The following KALRN variants were observed in gnomAD, a reference collection of about 807,000 sequenced individuals.
KALRN encodes the protein kalirin.
KALRN carries 70 observed loss-of-function variants against 353.7 expected under a neutral mutation model. The observed-to-expected ratio is 0.20, with a 90% CI of 0.16 to 0.24. KALRN has a LOEUF of 0.24. Ranked by LOEUF, KALRN falls within the 10% of genes least tolerant of loss-of-function variation. KALRN has a pLI of 1.00. For missense variants in KALRN, 2,791 were observed against 3,756.7 expected (o/e 0.74, Z 6.72); for synonymous variants, 1,391 against 1,434.8 (o/e 0.97, Z 0.69).
intron 19 of KALRN, among the ~76,000 whole-genome samples, chr3:124,442,562 G>A (rs1301830724): frequency 6.6e-6 from 1 of 152,164 alleles, no homozygotes; most frequent in Non-Finnish European, 1.5e-5. Flanking sequence ...ATTTGTCACT[G>A]ATTGATTAAG....
chr3:124,602,235 G>A (rs1223118693), intron 34 of KALRN, among the ~76,000 whole-genome samples: 2 of 152,178 alleles, frequency 1.3e-5, no homozygotes, highest in African/African-American at 4.8e-5. Flanking sequence ...TAGGAAGGAA[G>A]AAGTCAGAAG....
At chr3:124,065,810 A>C (rs1237172181) in intron 1 of KALRN, among the ~76,000 whole-genome samples, 2 of 152,226 alleles carry the variant, frequency 1.3e-5, no homozygotes, top group Non-Finnish European at 2.9e-5. Flanking sequence ...TGGAATGCTT[A>C]GATCAGTATC....
chr3:124,098,843 T>C (rs2061637324), intron 1 of KALRN, among the ~76,000 whole-genome samples: 1 of 152,136 alleles, frequency 6.6e-6, no homozygotes, highest in South Asian at 2.1e-4. Context: ...GAAACAACAG[T>C]GTAGGAGGTA....
At chr3:124,392,072 A>T (rs908279424) in intron 11 of KALRN, among the ~76,000 whole-genome samples, 2 of 151,682 alleles carry the variant, frequency 1.3e-5, no homozygotes, top group Non-Finnish European at 2.9e-5. Context: ...TTTTTTTGAG[A>T]CAGAGTCTTG....
Position 124,413,513 on chromosome 3 carries a change from A to C in KALRN, c.2390A>C (p.Gln797Pro). 2.5e-6 allele frequency: 4 copies of C among 1,614,174 alleles called. No homozygotes were observed. The highest frequency in any genetic ancestry group is 3.4e-6 in the Non-Finnish European group (4 of 1,180,012). The change falls in exon 14 of 60, where the codon CAG becomes CCG. Residue 797 changes from glutamine to proline, a missense_variant. Gln to Pro is a moderately conservative substitution (Grantham distance 76). Coordinates refer to ENST00000682506, the MANE Select transcript of KALRN (RefSeq NM_001388419.1). The part of the protein sequence containing the change: ...LDAWNEDLLR[Q>P]MNDFNTEDLT... ...GCCTGGAATGAAGACTTGCTTCGGCAGATGAATGACTTCAACACAGAGGAC... is the reference window on the plus strand; with the variant it reads ...GCCTGGAATGAAGACTTGCTTCGGCCGATGAATGACTTCAACACAGAGGAC...
intron 1 of KALRN, among the ~76,000 whole-genome samples, chr3:124,136,086 A>G (rs2065884803): frequency 6.6e-6 from 1 of 152,158 alleles, no homozygotes. Context: ...CCCCACACCT[A>G]GAAATTCTAA....
intron 33 of KALRN, among the ~76,000 whole-genome samples, chr3:124,541,265 C>A (rs575982932): frequency 6.6e-6 from 1 of 151,900 alleles, no homozygotes; most frequent in African/African-American, 2.4e-5. Context: ...GCCTGGCCAA[C>A]GTGGTGAAAC....
At position 124,410,248 on chromosome 3, in the gene KALRN, G is replaced by T. The variant is rs200226982; in HGVS notation, c.2347-3222G>T. ...TCCACTCCATAGATTCCTGGCTATG[G>T]GACTCCTTGGATCTTCCTGCAGCAA... On this transcript the variant is annotated intron_variant, in intron 13 of 59. Coordinates refer to ENST00000682506, the MANE Select transcript of KALRN (RefSeq NM_001388419.1). The T allele has an allele frequency of 9.5e-4, 504 of 532,982 alleles. 2 individuals are homozygous for T. The highest frequency in any genetic ancestry group is 1.7e-3 in the Non-Finnish European group (441 of 259,892). 33.0% of individuals were successfully genotyped at this position (532,982 alleles called of 1,614,324 possible).
At chr3:124,652,585 CT>C (rs940338056) in intron 38 of KALRN, among the ~76,000 whole-genome samples, 1 of 151,346 alleles carries the variant, frequency 6.6e-6, no homozygotes, top group Non-Finnish European at 1.5e-5. Context: ...AGTCACTACT[CT>C]TTTTTTTTGA....
chr3:124,072,110 A>G (rs2149271939), intron 1 of KALRN, among the ~76,000 whole-genome samples: 1 of 152,356 alleles, frequency 6.6e-6, no homozygotes, highest in South Asian at 2.1e-4. Flanking sequence ...TGTTGACACC[A>G]GGGAAGAAAA....
Position 124,033,507 on chromosome 3 carries a change from A to T in KALRN, c.-234A>T, listed in dbSNP as rs907937618. ...GCGGCCAGCGCCCTGGGGAAGGGGT[A>T]CCATGGGGGAGCTGGCGGCAGGCAC... On this transcript the variant is annotated 5_prime_UTR_variant, in exon 1 of 60. Coordinates refer to ENST00000682506, the MANE Select transcript of KALRN (RefSeq NM_001388419.1). This position sits in a 1 kb window ranked among gnomAD's most constrained non-coding sequence, Gnocchi z 6.2. 2.4e-4 allele frequency among the ~76,000 whole-genome samples: 36 copies of T among 151,646 alleles called. No individual in the cohort carries two copies. The East Asian group carries it at 7.1e-3, about 30-fold the overall frequency.
intron 1 of KALRN, among the ~76,000 whole-genome samples, chr3:124,127,990 T>A (rs2064875827): frequency 6.6e-6 from 1 of 152,194 alleles, no homozygotes; most frequent in African/African-American, 2.4e-5. Flanking sequence ...TGAAATCTCT[T>A]CATTATTTTG....
chr3:124,473,549 C>T (rs2061149539), intron 25 of KALRN, among the ~76,000 whole-genome samples: 1 of 152,086 alleles, frequency 6.6e-6, no homozygotes, highest in African/African-American at 2.4e-5. Context: ...GTACCTTTTT[C>T]CACTTAGCTT....
At chr3:124,574,729 G>A (rs552513834) in intron 34 of KALRN, among the ~76,000 whole-genome samples, 4 of 152,314 alleles carry the variant, frequency 2.6e-5, no homozygotes, top group Non-Finnish European at 2.9e-5. Context: ...AGAAGAACAC[G>A]GGGACCCAGG....
intron 1 of KALRN, among the ~76,000 whole-genome samples, chr3:124,142,544 G>A (rs147466546): frequency 3.5e-4 from 53 of 152,302 alleles, no homozygotes; most frequent in African/African-American, 1.2e-3. Flanking sequence ...GTACCTGAAG[G>A]TTAATTTCAG....
intron 37 of KALRN, among the ~76,000 whole-genome samples, chr3:124,644,333 A>C (rs960358030): frequency 4.0e-5 from 6 of 151,418 alleles, no homozygotes; most frequent in African/African-American, 1.2e-4. Flanking sequence ...TTTTTTTAAA[A>C]TTTTTTTTTA....
intron 9 of KALRN, among the ~76,000 whole-genome samples, chr3:124,335,305 G>A (rs1375154420): frequency 6.6e-6 from 1 of 152,120 alleles, no homozygotes; most frequent in Non-Finnish European, 1.5e-5. Context: ...TTTAAAACCT[G>A]GGCTGTTGTT....
At chr3:124,275,133 T>A (rs1172085292) in intron 5 of KALRN, among the ~76,000 whole-genome samples, 1 of 152,234 alleles carries the variant, frequency 6.6e-6, no homozygotes, top group African/African-American at 2.4e-5. Flanking sequence ...TCTCTCTTCA[T>A]GAAAACATCT....
chr3:124,160,049 A>G (rs2069671238), intron 1 of KALRN, among the ~76,000 whole-genome samples: 1 of 151,816 alleles, frequency 6.6e-6, no homozygotes, highest in South Asian at 2.1e-4. Flanking sequence ...AGTTGAATAA[A>G]TGTCCCTTGA....
Sources: allele counts gnomAD v4.1 joint callset (sites outside exome capture counted in the v4.1 genomes callset), GRCh38; gene constraint gnomAD v4.1.1; non-coding constraint Gnocchi (gnomAD v3.1); transcripts MANE v1.5; gene names NCBI Gene and HGNC (gene_info 2026-07-23, HGNC 2026-07-21).